Variants in DSCAM observed in about 807,000 individuals in gnomAD.
DSCAM encodes the protein DS cell adhesion molecule.
DSCAM carries 47 observed loss-of-function variants against 217.7 expected under a neutral mutation model. The observed-to-expected ratio is 0.22, with a 90% CI of 0.17 to 0.28. The LOEUF is 0.28. Ranked by LOEUF, DSCAM falls within the 10% of genes least tolerant of loss-of-function variation. The pLI, the probability that DSCAM is intolerant of heterozygous loss-of-function variation, is 1.00. For synonymous variants in DSCAM, 1,056 were observed against 1,015.3 expected (o/e 1.04, Z -0.76); for missense variants, 2,080 against 2,618.3 (o/e 0.79, Z 4.49).
chr21:40,820,477 G>C (rs574871267), intron 1 of DSCAM, among the ~76,000 whole-genome samples: 2 of 152,250 alleles, frequency 1.3e-5, no homozygotes, highest in East Asian at 1.9e-4. Flanking sequence ...GGGGCAAGGT[G>C]GGGGAGAGCA....
chr21:40,554,032 A>T (rs1195321239), intron 3 of DSCAM, among the ~76,000 whole-genome samples: 1 of 151,958 alleles, frequency 6.6e-6, no homozygotes, highest in Non-Finnish European at 1.5e-5. Flanking sequence ...GGGTCATGCT[A>T]GATGTCCAGG....
At chr21:40,134,729 C>A (rs753728346) in intron 18 of DSCAM, among the ~76,000 whole-genome samples, 11 of 152,208 alleles carry the variant, frequency 7.2e-5, no homozygotes, top group Non-Finnish European at 1.5e-4. Flanking sequence ...ACATTGGATA[C>A]ATACATCAAA....
At chr21:40,212,140 T>C (rs1234385803) in intron 11 of DSCAM, among the ~76,000 whole-genome samples, 1 of 152,070 alleles carries the variant, frequency 6.6e-6, no homozygotes, top group Non-Finnish European at 1.5e-5. Context: ...TGGCTAATTT[T>C]TTTATTTTTA....
At chr21:40,067,302 C>G (rs568910254) in intron 27 of DSCAM, among the ~76,000 whole-genome samples, 78 of 152,350 alleles carry the variant, frequency 5.1e-4, no homozygotes, top group African/African-American at 1.8e-3. Context: ...CATAGTAAGT[C>G]AGGGACCATC....
intron 1 of DSCAM, among the ~76,000 whole-genome samples, chr21:40,846,084 G>A (rs1480995423): frequency 6.6e-6 from 1 of 151,954 alleles, no homozygotes; most frequent in East Asian, 1.9e-4. Flanking sequence ...TGAGGAGCAT[G>A]AAGCAGCACG....
chr21:40,803,910 AT>A (rs763772320), intron 1 of DSCAM, among the ~76,000 whole-genome samples: 2 of 152,162 alleles, frequency 1.3e-5, no homozygotes, highest in Non-Finnish European at 2.9e-5. Context: ...TCTAAGGAGC[AT>A]CCCCTCTCCT....
At chr21:40,695,230 G>A (rs770712712) in intron 2 of DSCAM, among the ~76,000 whole-genome samples, 14 of 152,052 alleles carry the variant, frequency 9.2e-5, no homozygotes, top group Non-Finnish European at 1.6e-4. Flanking sequence ...CCTGTTTACC[G>A]GGAGACACGG....
chr21:40,268,377 T>C (rs2123353708), intron 11 of DSCAM, among the ~76,000 whole-genome samples: 1 of 152,066 alleles, frequency 6.6e-6, no homozygotes, highest in East Asian at 1.9e-4. Flanking sequence ...GACCCCACAG[T>C]CAAGGACCAT....
At chr21:40,307,247 AC>A (rs1294905618) in intron 9 of DSCAM, among the ~76,000 whole-genome samples, 2 of 149,940 alleles carry the variant, frequency 1.3e-5, no homozygotes, top group Admixed American at 6.7e-5. Flanking sequence ...GAAAAAAAAA[AC>A]AACCCCATCA....
intron 10 of DSCAM, among the ~76,000 whole-genome samples, chr21:40,280,425 T>C (rs1416208572): frequency 2.0e-5 from 3 of 152,116 alleles, no homozygotes; most frequent in African/African-American, 4.8e-5. Flanking sequence ...TTGGCCACAA[T>C]TGATCCTTCC....
chr21:40,137,617 AC>A (rs2090227985), intron 18 of DSCAM, among the ~76,000 whole-genome samples: 1 of 124,658 alleles, frequency 8.0e-6, no homozygotes, highest in East Asian at 2.1e-4. Context: ...ACACACACAC[AC>A]ACACACACAC....
chr21:40,700,677 TACTC>T (rs2090646084), intron 2 of DSCAM, among the ~76,000 whole-genome samples: 1 of 152,016 alleles, frequency 6.6e-6, no homozygotes, highest in African/African-American at 2.4e-5. Flanking sequence ...ATTTGGGAAA[TACTC>T]TCTCCTCAAT....
intron 3 of DSCAM, among the ~76,000 whole-genome samples, chr21:40,525,009 C>CAAA (rs58427418): frequency 1.0e-3 from 56 of 56,078 alleles, no homozygotes; most frequent in African/African-American, 2.2e-3. Context: ...GACTCAGTCT[C>CAAA]AAAAAAAAAA....
Position 40,121,681 on chromosome 21 carries a change from C to CTTTTTTTTTTTTTTTTTTTTTTTT in DSCAM, c.3696+2490_3696+2513dup, listed in dbSNP as rs201672838. ...CTGGTGGGTTTGCTCTCATTACTGT[C>CTTTTTTTTTTTTTTTTTTTTTTTT]TTTTTTTTTTTTTTTTTTTTTTTTT... is the stretch of plus-strand genomic sequence containing the variant. On this transcript the variant is annotated intron_variant, in intron 20 of 32. Transcript: ENST00000400454. Among the ~76,000 whole-genome samples the CTTTTTTTTTTTTTTTTTTTTTTTT allele has an allele frequency of 2.4e-4, 18 of 73,750 alleles. 1 individual carries two copies. The highest frequency in any genetic ancestry group is 6.3e-4 in the African/African-American group (11 of 17,396). 48.4% of individuals were successfully genotyped at this position (73,750 alleles called of 152,430 possible).
intron 30 of DSCAM, among the ~76,000 whole-genome samples, chr21:40,050,027 C>T (rs369851358): frequency 6.6e-6 from 1 of 152,292 alleles, no homozygotes; most frequent in East Asian, 1.9e-4. Flanking sequence ...ACTGATGTGC[C>T]GGAGGGGTCC....
chr21:40,645,486 G>A (rs1456882117), intron 3 of DSCAM, among the ~76,000 whole-genome samples: 2 of 152,106 alleles, frequency 1.3e-5, no homozygotes, highest in African/African-American at 2.4e-5. Context: ...CCATATTTGT[G>A]GAATCATGTG....
rs2088156278 is a variant in DSCAM, at chr21:40,016,290, A to G, written c.5687-2904T>C. The stretch of plus-strand genomic sequence containing the variant: ...GAGTGGTGACAGAGGAGAAGGGGTT[A>G]GGGGTGACTCCTTCCCAGGCTCTAA... On this transcript the variant is annotated intron_variant, in intron 32 of 32. Transcript: ENST00000400454. This position sits in a 1 kb window ranked among gnomAD's most constrained non-coding sequence, Gnocchi z 4.3. Among the ~76,000 whole-genome samples the G allele has an allele frequency of 6.6e-6, 1 of 152,144 alleles. No homozygotes were observed. Among genetic ancestry groups the G allele is most frequent in the South Asian group, 2.1e-4 (1 of 4,822 alleles).
intron 3 of DSCAM, among the ~76,000 whole-genome samples, chr21:40,371,222 T>C (rs2074895017): frequency 6.6e-6 from 1 of 152,230 alleles, no homozygotes; most frequent in South Asian, 2.1e-4. Context: ...CCAGATAATT[T>C]TGCTTTATTA....
chr21:40,022,181 G>C (rs1285249362), intron 32 of DSCAM, among the ~76,000 whole-genome samples: 2 of 152,152 alleles, frequency 1.3e-5, no homozygotes, highest in Non-Finnish European at 2.9e-5. Flanking sequence ...CTAGATCAGA[G>C]GCTCTCCACT....
Sources: gnomAD v4.1 joint callset for allele counts (sites outside exome capture counted in the v4.1 genomes callset) on GRCh38, gnomAD v4.1.1 for gene constraint, Gnocchi (gnomAD v3.1) non-coding constraint, MANE v1.5 for transcripts, NCBI Gene and HGNC (gene_info 2026-07-23, HGNC 2026-07-21) for gene names.